Variants in UTP20 observed in about 807,000 individuals in gnomAD.
UTP20 encodes the protein small subunit processome component 20 homolog.
Under a neutral mutation model 329.5 loss-of-function variants are expected in UTP20, and 164 were observed. The observed-to-expected ratio is 0.50, with a 90% confidence interval of 0.44 to 0.57. The LOEUF (loss-of-function observed/expected upper bound fraction) is 0.57, where lower values mean the gene tolerates loss of function less well. Ranked by LOEUF, UTP20 falls within the 20% of genes least tolerant of loss-of-function variation. The probability of loss-of-function intolerance (pLI) is 0.00; values close to 1 mark genes in which losing one functional copy is unlikely to be tolerated. For missense variants in UTP20, 3,055 were observed against 3,284.2 expected (o/e 0.93, Z 1.71); for synonymous variants, 1,151 against 1,159.3 (o/e 0.99, Z 0.14).
intron 29 of UTP20, among the ~76,000 whole-genome samples, chr12:101,337,466 A>G (rs1159729363): frequency 6.6e-6 from 1 of 152,162 alleles, no homozygotes; most frequent in Admixed American, 6.5e-5. Flanking sequence ...TTGTTGGTGC[A>G]TTTGCATCAG....
chr12:101,338,075 G>A lies in UTP20; in HGVS notation c.3666G>A (p.Gln1222=), dbSNP rs776953317. ...NARYFPLLAK[Q]KPGHPECDIL... ...GATATTTCCCTTTGCTGGCTAAACA[G>A]AAGCCTGGGCACCCAGAATGTGATA... is the stretch of plus-strand genomic sequence containing the variant. Residue 1222 remains glutamine, a synonymous_variant, in exon 30 of 62, where the codon CAG becomes CAA. Coordinates refer to ENST00000261637, the MANE Select transcript of UTP20 (RefSeq NM_014503.3). The A allele has an allele frequency of 1.2e-6, 2 of 1,614,088 alleles. No individual in the cohort carries two copies. The highest frequency in any genetic ancestry group is 1.1e-5 in the South Asian group (1 of 91,074).
At chr12:101,365,344 T>A in intron 45 of UTP20, 115 bp from the exon 46 acceptor site, 1 of 692,934 alleles carries the variant, frequency 1.4e-6, no homozygotes, top group Non-Finnish European at 2.3e-6. Context: ...GCTTTTTAAT[T>A]AGGAGAAAGC....
chr12:101,310,470 G>A (rs1229208992), intron 19 of UTP20, among the ~76,000 whole-genome samples: 1 of 151,398 alleles, frequency 6.6e-6, no homozygotes, highest in Non-Finnish European at 1.5e-5. Context: ...AGCGACTCAG[G>A]AGGCTGAGGC....
rs750778116 is a variant in UTP20 at position 101,374,822 on chromosome 12, A to G, written c.7146A>G (p.Gln2382=). The G allele has an allele frequency of 8.8e-7, 1 of 1,141,890 alleles. No homozygotes were observed. Among genetic ancestry groups the G allele is most frequent in the Non-Finnish European group, 1.3e-6 (1 of 748,262 alleles). The allele number at this position is 1,141,890 out of a possible 1,614,324, so 70.7% of individuals were successfully genotyped here. ...ATTTTTGGTAGCGCTTAAATAGACAACTTGCTGCCCTGATCTGTGGCTTGT... is the reference window on the plus strand; with the variant it reads ...ATTTTTGGTAGCGCTTAAATAGACAGCTTGCTGCCCTGATCTGTGGCTTGT... ...WFGAKKRLNR[Q]LAALICGLFV... The change falls in exon 55 of 62, where the codon CAA becomes CAG. Residue 2382 remains glutamine, a synonymous_variant. Coordinates refer to ENST00000261637, the MANE Select transcript of UTP20 (RefSeq NM_014503.3).
At chr12:101,282,350 A>G (rs1240313858) in intron 2 of UTP20, among the ~76,000 whole-genome samples, 1 of 152,214 alleles carries the variant, frequency 6.6e-6, no homozygotes, top group Admixed American at 6.5e-5. Context: ...AGGACAGGAA[A>G]GCCTGTTCCA....
At chr12:101,377,320 C>T (rs1006004899) in intron 56 of UTP20, among the ~76,000 whole-genome samples, 1 of 152,046 alleles carries the variant, frequency 6.6e-6, no homozygotes, top group African/African-American at 2.4e-5. Context: ...TCCTGTTCCC[C>T]AAAACCCACA....
At position 101,353,620 on chromosome 12, in the gene UTP20, G is replaced by T. The variant is rs553667923; in HGVS notation, c.5107+491G>T. On this transcript the variant is annotated intron_variant, in intron 40 of 61. Transcript: ENST00000261637. ...GAAGGCTAAGGCAGAAGGATCAGTG[G>T]AGCCTAGGAGCTGGCTGCAGTGAGC... Among the ~76,000 whole-genome samples, 61 of 152,218 alleles carry T rather than the reference G, an allele frequency of 4.0e-4. No individual in the cohort carries two copies. The South Asian group carries it at 4.8e-3, about 12-fold the overall frequency.
chr12:101,383,546 A>G lies in UTP20; in HGVS notation c.7933A>G (p.Thr2645Ala). The G allele has an allele frequency of 6.2e-7, 1 of 1,613,116 alleles. No individual in the cohort carries two copies. The highest frequency in any genetic ancestry group is 8.5e-7 in the Non-Finnish European group (1 of 1,179,658). ...AAAAAATGATCTGTACTTTCAGAGA[A>G]CATGCATCTTTAAGTTCCTCGGCGC... Reference protein sequence around the residue: ...AYSPRNPLKRTCIFKFLGAVA... With the variant: ...AYSPRNPLKRACIFKFLGAVA... The change falls in exon 60 of 62, where the codon ACA becomes GCA. Residue 2645 changes from threonine (T) to alanine (A), a missense_variant. Physicochemically the swap from Thr to Ala is moderately conservative, Grantham distance 58 (BLOSUM62 0). Around this residue, in one of 3 missense-constraint regions of UTP20, gnomAD observed 337 missense variants for 345.5 expected, o/e 0.98. Coordinates refer to ENST00000261637, the MANE Select transcript of UTP20 (RefSeq NM_014503.3).
intron 17 of UTP20, 81 bp from the exon 18 acceptor site, chr12:101,308,104 G>T: frequency 8.0e-7 from 1 of 1,242,558 alleles, no homozygotes; most frequent in South Asian, 2.5e-5. Context: ...TCTATTTTTA[G>T]ACCTTTGGTC....
Position 101,280,197 on chromosome 12 carries a change from C to T in UTP20, c.-86C>T, listed in dbSNP as rs1382200540. The stretch of plus-strand genomic sequence containing the variant: ...GGCATCTGGGAATCGGAGAGTATAG[C>T]CTGTGAGCCGCTTTCCCCTCCTTAC... On this transcript the variant is annotated 5_prime_UTR_variant, in exon 1 of 62. Transcript: ENST00000261637. 5.3e-6 allele frequency: 8 copies of T among 1,506,954 alleles called. No individual in the cohort carries two copies. The highest frequency in any genetic ancestry group is 7.2e-6 in the Non-Finnish European group (8 of 1,108,326). 93.3% of individuals were successfully genotyped at this position (1,506,954 alleles called of 1,614,324 possible). A position where few individuals can be genotyped will look rare whatever the true frequency, so the allele number is the denominator to read the frequency against.
At chr12:101,354,696 A>C in intron 40 of UTP20, 136 bp from the exon 41 acceptor site, 1 of 872,474 alleles carries the variant, frequency 1.1e-6, no homozygotes, top group Non-Finnish European at 1.7e-6. Context: ...TTTCCTCAGC[A>C]CTTACCTTGC....
At chr12:101,301,975 G>A (rs1872532732) in intron 14 of UTP20, among the ~76,000 whole-genome samples, 1 of 152,152 alleles carries the variant, frequency 6.6e-6, no homozygotes, top group African/African-American at 2.4e-5. Context: ...CACCCAGGCT[G>A]GAGGGCAGTG....
At chr12:101,336,028 GGTATT>G in intron 29 of UTP20, among the ~76,000 whole-genome samples, 1 of 152,262 alleles carries the variant, frequency 6.6e-6, no homozygotes, top group Admixed American at 6.5e-5. Context: ...CCTTATTGAA[GGTATT>G]GAGCCACATT....
At chr12:101,304,182 A>T (rs1054066929) in intron 15 of UTP20, among the ~76,000 whole-genome samples, 3 of 152,106 alleles carry the variant, frequency 2.0e-5, no homozygotes, top group African/African-American at 7.2e-5. Flanking sequence ...TAGATGCAGG[A>T]TTCTGTTCTC....
At chr12:101,370,987 C>T (rs151220321) in intron 50 of UTP20, 71 bp from the exon 51 acceptor site, 3 of 1,322,678 alleles carry the variant, frequency 2.3e-6, no homozygotes, top group Non-Finnish European at 1.1e-6. Context: ...GTTGCTTTAG[C>T]GTCAAATCTG....
intron 15 of UTP20, among the ~76,000 whole-genome samples, chr12:101,304,285 T>C (rs1434884142): frequency 1.3e-5 from 2 of 152,190 alleles, no homozygotes; most frequent in Non-Finnish European, 2.9e-5. Context: ...AGCTGTAGCC[T>C]TGGGTGACTT....
chr12:101,289,103 G>A lies in UTP20; in HGVS notation c.597+62G>A, dbSNP rs577960682. 3.5e-4 allele frequency: 506 copies of A among 1,444,272 alleles called. 7 individuals carry two copies. The South Asian group carries it at 5.3e-3, about 15-fold the overall frequency. 89.5% of individuals were successfully genotyped at this position (1,444,272 alleles called of 1,614,324 possible). ...CAAGAATCTGATGAATAGGCCAGGC[G>A]TGGTGGCTCATGCCTGTAATCCCAA... is the stretch of plus-strand genomic sequence containing the variant. On this transcript the variant is annotated intron_variant, in intron 6 of 61. Coordinates refer to ENST00000261637, the MANE Select transcript of UTP20 (RefSeq NM_014503.3).
At chr12:101,316,874 T>C (rs530893679) in intron 21 of UTP20, among the ~76,000 whole-genome samples, 1 of 152,362 alleles carries the variant, frequency 6.6e-6, no homozygotes, top group East Asian at 1.9e-4. Context: ...AAGTGAATAC[T>C]GTATTAAGCT....
intron 43 of UTP20, among the ~76,000 whole-genome samples, chr12:101,359,030 T>G (rs1331205013): frequency 6.6e-6 from 1 of 152,176 alleles, no homozygotes; most frequent in Non-Finnish European, 1.5e-5. Flanking sequence ...TGACCAAATT[T>G]GAAGACTTCG....
Sources: allele counts gnomAD v4.1 joint callset (sites outside exome capture counted in the v4.1 genomes callset), GRCh38; gene constraint gnomAD v4.1.1; regional missense constraint gnomAD v4.1.1; transcripts MANE v1.5; gene names NCBI Gene and HGNC (gene_info 2026-07-23, HGNC 2026-07-21).